METTL15: variants seen among roughly 807,000 people sequenced by gnomAD.
The protein encoded by METTL15 is methyltransferase 15, mitochondrial 12S rRNA N4-cytidine, also known as 12S rRNA N(4)-cytidine methyltransferase METTL15.
A neutral mutation model predicts 38.3 loss-of-function variants in METTL15; 34 were observed. The ratio of observed to expected loss-of-function variants is 0.89; its 90% CI spans 0.68 to 1.18. The LOEUF (loss-of-function observed/expected upper bound fraction) is 1.18. METTL15 is among the 50% of genes most tolerant of loss of function. METTL15 has a pLI of 0.00. For synonymous variants in METTL15, 162 were observed against 170.9 expected (o/e 0.95, Z 0.41); for missense variants, 438 against 498.4 (o/e 0.88, Z 1.15).
intron 5 of METTL15, among the ~76,000 whole-genome samples, chr11:28,390,829 A>G (rs1850498086): frequency 6.6e-6 from 1 of 152,050 alleles, no homozygotes; most frequent in Admixed American, 6.6e-5. Context: ...CAGTATAGCC[A>G]TTTTCATGAT....
At chr11:28,198,742 A>G (rs1234342484) in intron 3 of METTL15, among the ~76,000 whole-genome samples, 1 of 152,144 alleles carries the variant, frequency 6.6e-6, no homozygotes, top group Non-Finnish European at 1.5e-5. Flanking sequence ...TTGTTAAAAA[A>G]TGTTAGCTAA....
At chr11:28,360,901 A>G (rs1850132353) in intron 4 of METTL15, among the ~76,000 whole-genome samples, 2 of 146,000 alleles carry the variant, frequency 1.4e-5, no homozygotes, top group Admixed American at 7.2e-5. Context: ...GAGTGAGAAC[A>G]TGCGGTGTTT....
At chr11:28,243,788 C>T (rs541282079) in intron 4 of METTL15, among the ~76,000 whole-genome samples, 1 of 152,128 alleles carries the variant, frequency 6.6e-6, no homozygotes, top group South Asian at 2.1e-4. Flanking sequence ...GAGTCTTCCC[C>T]CGGAGAATGT....
chr11:28,514,636 A>T (rs901328220), intron 6 of METTL15, among the ~76,000 whole-genome samples: 2 of 152,238 alleles, frequency 1.3e-5, no homozygotes, highest in African/African-American at 4.8e-5. Flanking sequence ...AATGCTTATG[A>T]GTTCAGAGTG....
At chr11:28,464,825 C>T (rs1014299165) in intron 6 of METTL15, among the ~76,000 whole-genome samples, 1 of 152,198 alleles carries the variant, frequency 6.6e-6, no homozygotes, top group African/African-American at 2.4e-5. Flanking sequence ...ATCTACTTGG[C>T]TCAGATGTCT....
chr11:28,188,642 T>C (rs973627805), intron 3 of METTL15, among the ~76,000 whole-genome samples: 3 of 151,258 alleles, frequency 2.0e-5, no homozygotes, highest in Non-Finnish European at 4.5e-5. Flanking sequence ...TCAAAGCTAA[T>C]GTTAGAACTC....
chr11:28,453,478 T>G (rs2133449563), intron 6 of METTL15, among the ~76,000 whole-genome samples: 1 of 152,338 alleles, frequency 6.6e-6, no homozygotes, highest in South Asian at 2.1e-4. Context: ...GATGATAATG[T>G]GTTAAAAAAA....
chr11:28,352,957 A>T (rs1016801898), intron 4 of METTL15, among the ~76,000 whole-genome samples: 2 of 152,230 alleles, frequency 1.3e-5, no homozygotes, highest in African/African-American at 4.8e-5. Flanking sequence ...AAGTGTTAAG[A>T]GATGGTCAGA....
At chr11:28,143,108 T>C (rs1037365682) in intron 3 of METTL15, among the ~76,000 whole-genome samples, 2 of 152,082 alleles carry the variant, frequency 1.3e-5, no homozygotes, top group African/African-American at 4.8e-5. Flanking sequence ...ATTTTTTTTT[T>C]CCTTAATAGA....
intron 4 of METTL15, among the ~76,000 whole-genome samples, chr11:28,222,899 C>A (rs1853307010): frequency 6.6e-6 from 1 of 151,864 alleles, no homozygotes; most frequent in Admixed American, 6.6e-5. Flanking sequence ...GAGAAGACAA[C>A]AAAACATACA....
intron 3 of METTL15, among the ~76,000 whole-genome samples, chr11:28,155,931 T>C (rs1235121312): frequency 6.6e-6 from 1 of 152,206 alleles, no homozygotes; most frequent in African/African-American, 2.4e-5. Flanking sequence ...AGGTCACTTA[T>C]ATGCCACTTG....
chr11:28,463,924 G>A (rs926222128), intron 6 of METTL15, among the ~76,000 whole-genome samples: 1 of 152,016 alleles, frequency 6.6e-6, no homozygotes, highest in African/African-American at 2.4e-5. Flanking sequence ...TCAGAGTGAA[G>A]GCAAGTGTAA....
chr11:28,518,272 A>G (rs1427323772), intron 6 of METTL15, among the ~76,000 whole-genome samples: 2 of 152,232 alleles, frequency 1.3e-5, no homozygotes, highest in African/African-American at 4.8e-5. Flanking sequence ...ACTGTGAGAA[A>G]GAAAGACTTT....
intron 6 of METTL15, among the ~76,000 whole-genome samples, chr11:28,443,628 C>T (rs565730462): frequency 1.2e-4 from 19 of 152,308 alleles, no homozygotes; most frequent in Non-Finnish European, 2.2e-4. Context: ...ACCTGCTCCT[C>T]CTTAGGGTCC....
At chr11:28,215,784 C>T (rs1852838654) in intron 4 of METTL15, among the ~76,000 whole-genome samples, 1 of 152,088 alleles carries the variant, frequency 6.6e-6, no homozygotes, top group African/African-American at 2.4e-5. Context: ...TGCAACCTCA[C>T]CACTTTGTGA....
chr11:28,144,664 T>C (rs1436317616), intron 3 of METTL15, among the ~76,000 whole-genome samples: 1 of 152,082 alleles, frequency 6.6e-6, no homozygotes, highest in Non-Finnish European at 1.5e-5. Flanking sequence ...TAGTGAATAA[T>C]GCAACCATTT....
At chr11:28,231,169 A>C (rs1333691520) in intron 4 of METTL15, among the ~76,000 whole-genome samples, 1 of 151,928 alleles carries the variant, frequency 6.6e-6, no homozygotes, top group South Asian at 2.1e-4. Flanking sequence ...AAAGGTCAAC[A>C]TAATGCCTTC....
At chr11:28,212,470 A>G (rs12275203) in intron 4 of METTL15, among the ~76,000 whole-genome samples, 22,594 of 152,096 alleles carry the variant, frequency 0.15, 1,845 homozygotes, top group East Asian at 0.28. Context: ...GTGAACATTC[A>G]TGAAGTATAG....
chr11:28,146,567 A>G (rs1378846269), intron 3 of METTL15, among the ~76,000 whole-genome samples: 2 of 151,870 alleles, frequency 1.3e-5, no homozygotes, highest in African/African-American at 4.8e-5. Context: ...ATTTTTTAGA[A>G]TCCTGTAATG....
Sources: allele counts gnomAD v4.1 joint callset (sites outside exome capture counted in the v4.1 genomes callset), GRCh38; gene constraint gnomAD v4.1.1; transcripts MANE v1.5; gene names NCBI Gene and HGNC (gene_info 2026-07-23, HGNC 2026-07-21).